The following ACP7 variants were observed in gnomAD, a reference collection of about 807,000 sequenced individuals.
ACP7 encodes the protein acid phosphatase type 7.
ACP7 carries 58 observed loss-of-function variants against 60.6 expected under a neutral mutation model. The observed-to-expected ratio is 0.96, with a 90% CI of 0.77 to 1.19. ACP7 has a LOEUF of 1.19. ACP7 is among the 50% of genes most tolerant of loss of function. The probability of loss-of-function intolerance (pLI) is 0.00; values close to 1 mark genes in which losing one functional copy is unlikely to be tolerated. For missense variants in ACP7, 574 were observed against 596.2 expected (o/e 0.96, Z 0.39); for synonymous variants, 237 against 232.6 (o/e 1.02, Z -0.17).
Position 39,099,140 on chromosome 19 carries a change from T to TGG in ACP7, c.505_505+1dup, listed in dbSNP as rs1017068298. ...GGCATGTATGACGCCGTTCTCCATGTGGGTGAGGCATCCGCAGGGGCGCGC... is the reference window on the plus strand; with the variant it reads ...GGCATGTATGACGCCGTTCTCCATGTGGGGGTGAGGCATCCGCAGGGGCGCGC... On this transcript the variant is annotated frameshift_variant and splice_region_variant, in exon 4 of 13. Coordinates refer to ENST00000331256, the MANE Select transcript of ACP7 (RefSeq NM_001004318.3). LOFTEE classifies it high-confidence loss of function. 1 of 1,520,882 alleles carries TGG rather than the reference T, an allele frequency of 6.6e-7. No homozygotes were observed. Among genetic ancestry groups the TGG allele is most frequent in the African/African-American group, 1.4e-5 (1 of 70,486 alleles). The allele number at this position is 1,520,882 out of a possible 1,614,324, so 94.2% of individuals were successfully genotyped here.
At chr19:39,084,709 A>G in intron 1 of ACP7, among the ~76,000 whole-genome samples, 1 of 151,936 alleles carries the variant, frequency 6.6e-6, no homozygotes, top group East Asian at 1.9e-4. Context: ...TCTCGGGAGT[A>G]GGTAGGAGAA....
In ACP7 at chr19:39,085,145, C is replaced by A. The variant is rs554471876; in HGVS notation, c.-125C>A. On this transcript the variant is annotated 5_prime_UTR_variant, in exon 2 of 13. Coordinates refer to ENST00000331256, the MANE Select transcript of ACP7 (RefSeq NM_001004318.3). ...GACCTCCCTGCCCTGCCTCTGTTGT[C>A]CCCCAGAGCACTGCCTGATCATCCT... 2.0e-5 allele frequency: 25 copies of A among 1,255,622 alleles called. No individual in the cohort carries two copies. In the African/African-American group the frequency reaches 3.8e-4, roughly 19 times the overall value. 77.8% of individuals were successfully genotyped at this position (1,255,622 alleles called of 1,614,324 possible).
intron 11 of ACP7, among the ~76,000 whole-genome samples, chr19:39,102,789 CTCTCTT>C (rs1568482830): frequency 1.7e-4 from 21 of 125,982 alleles, no homozygotes; most frequent in African/African-American, 5.4e-4. Flanking sequence ...CTTTCTCTCT[CTCTCTT>C]TCTTTCTTTC....
chr19:39,104,013 G>A (rs965447725), intron 11 of ACP7, among the ~76,000 whole-genome samples: 6 of 151,280 alleles, frequency 4.0e-5, no homozygotes, highest in Admixed American at 1.3e-4. Context: ...GCTGAGGTGG[G>A]TGGATCGCTT....
chr19:39,089,752 T>A (rs1482864368), intron 2 of ACP7, among the ~76,000 whole-genome samples: 1 of 152,244 alleles, frequency 6.6e-6, no homozygotes, highest in East Asian at 1.9e-4. Flanking sequence ...TTGGGATTTG[T>A]CTGATACTTT....
intron 11 of ACP7, among the ~76,000 whole-genome samples, chr19:39,103,372 C>T (rs2073376557): frequency 6.7e-6 from 1 of 149,816 alleles, no homozygotes; most frequent in Admixed American, 6.6e-5. Context: ...CATCAGTGGG[C>T]TCCTGTCTCC....
chr19:39,090,378 A>G (rs1600253232), intron 2 of ACP7, among the ~76,000 whole-genome samples: 2 of 152,238 alleles, frequency 1.3e-5, no homozygotes, highest in East Asian at 3.9e-4. Flanking sequence ...TGTGTTGCCC[A>G]GGCTGGTCTT....
chr19:39,107,165 G>T, intron 12 of ACP7, 81 bp downstream of exon 12: 17 of 1,391,270 alleles, frequency 1.2e-5, no homozygotes, highest in Non-Finnish European at 1.5e-5. Flanking sequence ...ACGTGGGCTC[G>T]GCCGGGCGCA....
intron 12 of ACP7, among the ~76,000 whole-genome samples, chr19:39,107,441 AG>A (rs1193385510): frequency 6.6e-6 from 1 of 151,614 alleles, no homozygotes; most frequent in Non-Finnish European, 1.5e-5. Context: ...AAAATTAGCC[AG>A]GCGTGGTGGC....
intron 11 of ACP7, among the ~76,000 whole-genome samples, chr19:39,106,604 A>G (rs530029463): frequency 6.6e-6 from 1 of 152,208 alleles, no homozygotes; most frequent in African/African-American, 2.4e-5. Context: ...GCTCACTGCA[A>G]CCTCCACCTC....
chr19:39,109,425 G>T (rs1283558757), intron 12 of ACP7, among the ~76,000 whole-genome samples: 1 of 152,072 alleles, frequency 6.6e-6, no homozygotes, highest in African/African-American at 2.4e-5. Context: ...CCACCTAGAG[G>T]GTGGATGCGC....
intron 11 of ACP7, among the ~76,000 whole-genome samples, chr19:39,105,157 A>G (rs1431752981): frequency 6.6e-6 from 1 of 151,596 alleles, no homozygotes; most frequent in Non-Finnish European, 1.5e-5. Flanking sequence ...CTGGGATTAC[A>G]GGCTTACGTC....
chr19:39,090,215 C>A (rs149368778), intron 2 of ACP7, among the ~76,000 whole-genome samples: 121 of 152,178 alleles, frequency 8.0e-4, no homozygotes, highest in African/African-American at 2.7e-3. Flanking sequence ...GTTGCCCAAG[C>A]TGGAGTGCAG....
chr19:39,101,243 C>A (rs1218815176), intron 9 of ACP7, 36 bp downstream of exon 9: 1 of 1,614,092 alleles, frequency 6.2e-7, no homozygotes, highest in Admixed American at 1.7e-5. Context: ...CCACACCCCA[C>A]CTCTCCCCAA....
At chr19:39,088,008 A>G (rs2073164349) in intron 2 of ACP7, among the ~76,000 whole-genome samples, 1 of 151,896 alleles carries the variant, frequency 6.6e-6, no homozygotes, top group East Asian at 1.9e-4. Flanking sequence ...TGTCTTTTAC[A>G]TCTTCAAAGA....
intron 11 of ACP7, among the ~76,000 whole-genome samples, chr19:39,102,715 T>TTACTTTCCTTCTTTC (rs1555769415): frequency 8.4e-6 from 1 of 118,616 alleles, no homozygotes; most frequent in South Asian, 2.9e-4. Context: ...CAATGAAGAC[T>TTACTTTCCTTCTTTC]TTTCTTTCTT....
At position 39,085,646 on chromosome 19, in the gene ACP7, G is replaced by C. The variant is rs369787972; in HGVS notation, c.121+256G>C. 4.2e-4 allele frequency among the ~76,000 whole-genome samples: 64 copies of C among 152,322 alleles called. 2 individuals carry two copies. In the East Asian group the frequency reaches 9.8e-3, roughly 23 times the overall value. ...GGGACCGCTGCTGTCCTTGTTCATT[G>C]CATCTCTGTTGTGTTTCCGGGACCT... is the stretch of plus-strand genomic sequence containing the variant. On this transcript the variant is annotated intron_variant, in intron 2 of 12. Coordinates refer to ENST00000331256, the MANE Select transcript of ACP7 (RefSeq NM_001004318.3).
chr19:39,095,542 T>TA (rs772941469), intron 2 of ACP7, among the ~76,000 whole-genome samples: 2 of 152,234 alleles, frequency 1.3e-5, no homozygotes, highest in African/African-American at 2.4e-5. Flanking sequence ...CCTGGCTGCT[T>TA]TCACAGGCTG....
Position 39,100,339 on chromosome 19 carries a change from T to A in ACP7, c.618T>A (p.His206Gln). The change falls in exon 5 of 13, where the codon CAT becomes CAA. Residue 206 changes from histidine (H) to glutamine (Q), a missense_variant. His to Gln is a conservative substitution (Grantham distance 24). Coordinates refer to ENST00000331256, the MANE Select transcript of ACP7 (RefSeq NM_001004318.3). ...CGTACATGACATGCCCTGGGAATCA[T>A]GAAGAACGCTAGTGAGGACTGAGGG... ...SLPYMTCPGN[H>Q]EERYNFSNYK... 6.2e-7 allele frequency: 1 copy of A among 1,614,118 alleles called. No individual in the cohort carries two copies.
Sources: allele counts gnomAD v4.1 joint callset (sites outside exome capture counted in the v4.1 genomes callset), GRCh38; gene constraint gnomAD v4.1.1; transcripts MANE v1.5; gene names NCBI Gene and HGNC (gene_info 2026-07-23, HGNC 2026-07-21).